PSMD9: variants seen among roughly 807,000 people sequenced by gnomAD.
The protein encoded by PSMD9 is 26S proteasome non-ATPase regulatory subunit 9.
A neutral mutation model predicts 25.9 loss-of-function variants in PSMD9; 26 were observed. That is an observed-to-expected ratio of 1.00 (90% confidence interval 0.73 to 1.39). PSMD9 has a LOEUF of 1.39. PSMD9 is among the 40% of genes most tolerant of loss of function. The pLI is 0.00. For synonymous variants in PSMD9, 110 were observed against 114.5 expected, an observed-to-expected ratio of 0.96 and a Z score of 0.25; for missense variants, 303 against 299.3, an observed-to-expected ratio of 1.01 and a Z score of -0.09.
At position 121,899,753 on chromosome 12, in the gene PSMD9, A is replaced by G; in HGVS notation, c.361A>G (p.Ser121Gly). ...DMAEAHKEAM[S>G]RKLGQSESQG... The stretch of plus-strand genomic sequence containing the variant: ...GGCTGAGGCCCACAAAGAGGCCATG[A>G]GCCGCAAACTGGGTCAGAGTGAGAG... Residue 121 changes from serine to glycine, a missense_variant, in exon 3 of 6, where the codon AGC becomes GGC. Ser to Gly is a moderately conservative substitution (Grantham distance 56). Coordinates refer to ENST00000541212, the MANE Select transcript of PSMD9 (RefSeq NM_002813.7). 1.9e-6 allele frequency: 3 copies of G among 1,614,090 alleles called. No individual in the cohort carries two copies. Among genetic ancestry groups the G allele is most frequent in the Non-Finnish European group, 2.5e-6 (3 of 1,179,962 alleles).
chr12:121,893,457 T>C (rs1252404480), intron 1 of PSMD9, among the ~76,000 whole-genome samples: 1 of 152,220 alleles, frequency 6.6e-6, no homozygotes, highest in Non-Finnish European at 1.5e-5. Flanking sequence ...CGTAGTCGTT[T>C]TCTGAGGCCA....
In PSMD9 at chr12:121,899,652, AG is replaced by A; in HGVS notation, c.262del (p.Ala88GlnfsTer2). 1 of 1,610,072 alleles carries A rather than the reference AG, an allele frequency of 6.2e-7. No individual in the cohort carries two copies. Among genetic ancestry groups the A allele is most frequent in the African/African-American group, 1.3e-5 (1 of 74,980 alleles). On this transcript the variant is annotated frameshift_variant, in exon 3 of 6. Transcript: ENST00000541212. LOFTEE classifies it high-confidence loss of function. ...ATCCCAGGCCTGCAGAATGATCACA[AG>A]GCAGTGATGAAGCAGGTGGAGGAGG... ...HNIICLQNDH[K>X]AVMKQVEEAL...
At chr12:121,911,799 C>T (rs1234052271) in intron 4 of PSMD9, among the ~76,000 whole-genome samples, 1 of 151,332 alleles carries the variant, frequency 6.6e-6, no homozygotes, top group Admixed American at 6.6e-5. Flanking sequence ...ATTACAGGCA[C>T]CCACCACCAC....
At chr12:121,889,549 C>T (rs557821378) in intron 1 of PSMD9, among the ~76,000 whole-genome samples, 20 of 152,208 alleles carry the variant, frequency 1.3e-4, no homozygotes, top group African/African-American at 4.8e-4. Context: ...TCTTAAACTT[C>T]AGTGTGTATA....
At chr12:121,910,473 C>A (rs1952274744) in intron 4 of PSMD9, among the ~76,000 whole-genome samples, 1 of 151,386 alleles carries the variant, frequency 6.6e-6, no homozygotes, top group Non-Finnish European at 1.5e-5. Context: ...TAAAAATTAC[C>A]ATTTTAGGCC....
chr12:121,900,588 CA>C (rs36069883), intron 3 of PSMD9, among the ~76,000 whole-genome samples: 39,854 of 123,818 alleles, frequency 0.32, 5,499 homozygotes, highest in East Asian at 0.49. Context: ...GACTCCGTCT[CA>C]AAAAAAAAAA....
intron 4 of PSMD9, among the ~76,000 whole-genome samples, chr12:121,912,000 A>AGCTTGCTT (rs781691480): frequency 1.4e-5 from 2 of 146,946 alleles, no homozygotes; most frequent in Non-Finnish European, 3.0e-5. Context: ...TTCTGGAATG[A>AGCTTGCTT]GCTTGCTTAT....
chr12:121,904,116 T>C (rs879625434), intron 4 of PSMD9, among the ~76,000 whole-genome samples: 18 of 152,142 alleles, frequency 1.2e-4, no homozygotes, highest in Non-Finnish European at 1.8e-4. Flanking sequence ...CAGTTGCCTA[T>C]GCCCCTGCTA....
At chr12:121,906,440 C>T (rs989145823) in intron 4 of PSMD9, among the ~76,000 whole-genome samples, 8 of 151,588 alleles carry the variant, frequency 5.3e-5, no homozygotes, top group Non-Finnish European at 8.8e-5. Context: ...GAGGCTGAGG[C>T]GGGTGGATCA....
chr12:121,909,374 TG>T (rs2135729837), intron 4 of PSMD9, among the ~76,000 whole-genome samples: 1 of 151,178 alleles, frequency 6.6e-6, no homozygotes, highest in East Asian at 2.0e-4. Flanking sequence ...AGTGCAGTGG[TG>T]CAATCATAGC....
At chr12:121,893,022 A>G (rs771219920) in intron 1 of PSMD9, among the ~76,000 whole-genome samples, 2 of 152,214 alleles carry the variant, frequency 1.3e-5, no homozygotes, top group Non-Finnish European at 2.9e-5. Context: ...CACCAAATGG[A>G]CACTTTTGCC....
Position 121,916,376 on chromosome 12 carries a change from C to G in PSMD9, c.*65C>G. ...GCCCTGGACTTGGGTCTAGGGATTT[C>G]CAACTTGTCTTCTCTCCCTGAAGCA... On this transcript the variant is annotated 3_prime_UTR_variant, in exon 6 of 6. Transcript: ENST00000541212. 1.3e-6 allele frequency: 2 copies of G among 1,567,632 alleles called. No individual in the cohort carries two copies. The highest frequency in any genetic ancestry group is 1.8e-6 in the Non-Finnish European group (2 of 1,137,748).
chr12:121,903,534 C>T (rs1407408298), intron 4 of PSMD9, among the ~76,000 whole-genome samples: 1 of 152,044 alleles, frequency 6.6e-6, no homozygotes, highest in Non-Finnish European at 1.5e-5. Context: ...TTGCTGAGGC[C>T]CTGGACTGCT....
intron 4 of PSMD9, among the ~76,000 whole-genome samples, chr12:121,913,321 C>T (rs75332272): frequency 0.059 from 8,983 of 151,052 alleles, 491 homozygotes; most frequent in East Asian, 0.2. Context: ...CCTCATGATC[C>T]GCCTGCCTTG....
chr12:121,913,536 G>T (rs1341611103), intron 4 of PSMD9, among the ~76,000 whole-genome samples: 1 of 149,648 alleles, frequency 6.7e-6, no homozygotes, highest in Non-Finnish European at 1.5e-5. Flanking sequence ...CTGTCACCCA[G>T]GCTGGAGTGC....
chr12:121,892,262 G>T (rs1415077499), intron 1 of PSMD9, among the ~76,000 whole-genome samples: 1 of 152,082 alleles, frequency 6.6e-6, no homozygotes, highest in Non-Finnish European at 1.5e-5. Flanking sequence ...AAGAAAATAT[G>T]GTCAATACAA....
At chr12:121,904,549 A>C (rs1879495781) in intron 4 of PSMD9, among the ~76,000 whole-genome samples, 1 of 150,986 alleles carries the variant, frequency 6.6e-6, no homozygotes, top group South Asian at 2.1e-4. Flanking sequence ...ACTCCAGCCT[A>C]GGCGACAGAG....
chr12:121,899,723 G>A lies in PSMD9; in HGVS notation c.331G>A (p.Asp111Asn). 6.2e-7 allele frequency: 1 copy of A among 1,614,142 alleles called. No homozygotes were observed. Among genetic ancestry groups the A allele is most frequent in the Non-Finnish European group, 8.5e-7 (1 of 1,180,028 alleles). ...TCGCGACAAGGAGAAGCAGGCCCGG[G>A]ACATGGCTGAGGCCCACAAAGAGGC... ...HARDKEKQAR[D>N]MAEAHKEAMS... is the part of the protein sequence containing the mutation. Residue 111 changes from aspartate (D) to asparagine (N), a missense_variant, in exon 3 of 6, where the codon GAC (aspartate) becomes AAC (asparagine). By Grantham distance (23) the Asp-to-Asn change is conservative (BLOSUM62 1). Coordinates refer to ENST00000541212, the MANE Select transcript of PSMD9 (RefSeq NM_002813.7).
intron 4 of PSMD9, among the ~76,000 whole-genome samples, chr12:121,905,386 G>A (rs1357810383): frequency 1.3e-5 from 2 of 151,046 alleles, no homozygotes; most frequent in Non-Finnish European, 2.9e-5. Flanking sequence ...ACCATGCCCA[G>A]CTAATTTTTT....
Sources: allele counts gnomAD v4.1 joint callset (sites outside exome capture counted in the v4.1 genomes callset), GRCh38; gene constraint gnomAD v4.1.1; transcripts MANE v1.5; gene names NCBI Gene and HGNC (gene_info 2026-07-23, HGNC 2026-07-21).